DIAPH1: variants seen among roughly 807,000 people sequenced by gnomAD.
DIAPH1 encodes protein diaphanous homolog 1.
Under a neutral mutation model 140.7 loss-of-function variants are expected in DIAPH1, and 46 were observed. The ratio of observed to expected loss-of-function variants is 0.33; its 90% CI spans 0.26 to 0.42. The LOEUF is 0.42. DIAPH1 is among the 10% of genes least tolerant of loss of function. The pLI is 1.00. For synonymous variants in DIAPH1, 565 were observed against 551.6 expected (o/e 1.02, Z -0.34); for missense variants, 1,310 against 1,558.7 (o/e 0.84, Z 2.69).
In DIAPH1 at chr5:141,526,062, C is replaced by G. The variant is rs1355259448; in HGVS notation, c.3550G>C (p.Glu1184Gln). The change falls in exon 26 of 28, where the codon GAG becomes CAG. Residue 1184 changes from glutamate (E) to glutamine (Q), a missense_variant. Transcript: ENST00000389054. ...KERLEKQQKR[E>Q]QLIDMNAEGD... Reference sequence around the variant, plus strand: ...CCTGCATTCATGTCTATGAGTTGCTCTCTCTTCTGCTGCTTCTCTAGCCGC... The same window carrying G: ...CCTGCATTCATGTCTATGAGTTGCTGTCTCTTCTGCTGCTTCTCTAGCCGC... The G allele has an allele frequency of 1.9e-6, 3 of 1,613,986 alleles. No homozygotes were observed. The highest frequency in any genetic ancestry group is 2.5e-6 in the Non-Finnish European group (3 of 1,180,040).
intron 1 of DIAPH1, among the ~76,000 whole-genome samples, chr5:141,602,644 A>C (rs2099900342): frequency 6.6e-6 from 1 of 152,230 alleles, no homozygotes; most frequent in South Asian, 2.1e-4. Flanking sequence ...ATGAAGAATA[A>C]ATAATAAAAC....
intron 18 of DIAPH1, among the ~76,000 whole-genome samples, chr5:141,559,804 T>C (rs1029624555): frequency 9.2e-5 from 14 of 152,044 alleles, no homozygotes; most frequent in African/African-American, 3.1e-4. Flanking sequence ...AAGGAAACAA[T>C]AGGCTAGAGG....
Position 141,579,095 on chromosome 5 carries a change from G to T in DIAPH1, c.926C>A (p.Ala309Glu). 6.2e-7 allele frequency: 1 copy of T among 1,612,452 alleles called. No homozygotes were observed. Among genetic ancestry groups the T allele is most frequent in the Non-Finnish European group, 8.5e-7 (1 of 1,178,446 alleles). The change falls in exon 9 of 28, where the codon GCA (alanine) becomes GAA (glutamate). Residue 309 changes from alanine (A) to glutamate (E), a missense_variant. By Grantham distance (107) the Ala-to-Glu change is moderately radical. Around this residue, in one of 3 missense-constraint regions of DIAPH1, gnomAD observed 377 missense variants for 497.1 expected, o/e 0.76. Coordinates refer to ENST00000389054, the MANE Select transcript of DIAPH1 (RefSeq NM_005219.5). ...TTCAGGGGATATACATGCCTTCAGT[G>T]CAATAGTGGTTCCACTTTTTAATCC... ...LDGLKSGTTIALKVGCLQLIN... is the reference protein window; with the variant it reads ...LDGLKSGTTIELKVGCLQLIN...
At chr5:141,591,694 G>GGATA (rs1554210979) in intron 1 of DIAPH1, among the ~76,000 whole-genome samples, 6 of 53,836 alleles carry the variant, frequency 1.1e-4, no homozygotes, top group African/African-American at 6.6e-4. Context: ...AGGGAGATGG[G>GGATA]GATATATATA....
intron 19 of DIAPH1, among the ~76,000 whole-genome samples, chr5:141,529,938 G>C (rs949549381): frequency 6.6e-6 from 1 of 152,024 alleles, no homozygotes; most frequent in African/African-American, 2.4e-5. Flanking sequence ...ACAAAAACTA[G>C]CCAGGCGTGG....
rs553784587 is a variant in DIAPH1, at chr5:141,551,328, C to T, written c.2483-16895G>A. 3.9e-5 allele frequency among the ~76,000 whole-genome samples: 6 copies of T among 152,158 alleles called. No individual in the cohort carries two copies. In the South Asian group the frequency reaches 1.0e-3, roughly 26 times the overall value. ...AAAATTAGCCAGGTGCGGTGGCACA[C>T]GCCTGTAGTCCCAGTTACTCAGAAG... is the stretch of plus-strand genomic sequence containing the variant. On this transcript the variant is annotated intron_variant, in intron 18 of 27. Transcript: ENST00000389054.
chr5:141,565,437 C>G lies in DIAPH1; in HGVS notation c.2482+5991G>C, dbSNP rs1431733641. 6.6e-6 allele frequency among the ~76,000 whole-genome samples: 1 copy of G among 152,078 alleles called. No homozygotes were observed. Among genetic ancestry groups the G allele is most frequent in the East Asian group, 1.9e-4 (1 of 5,198 alleles). Reference sequence around the variant, plus strand: ...CCACAGTCACTCTGGGGGAGGACACCTTTTTACCCTGTATTTCCAGTGTAT... The same window carrying G: ...CCACAGTCACTCTGGGGGAGGACACGTTTTTACCCTGTATTTCCAGTGTAT... On this transcript the variant is annotated intron_variant, in intron 18 of 27. Transcript: ENST00000389054. This position sits in a 1 kb window ranked among gnomAD's most constrained non-coding sequence, Gnocchi z 4.3.
intron 3 of DIAPH1, among the ~76,000 whole-genome samples, chr5:141,585,962 G>C (rs2099897480): frequency 1.3e-5 from 2 of 152,150 alleles, no homozygotes. Context: ...TAAAATTACG[G>C]ATTGCTGACT....
intron 18 of DIAPH1, among the ~76,000 whole-genome samples, chr5:141,558,968 T>C (rs1003354009): frequency 1.4e-5 from 2 of 147,732 alleles, no homozygotes; most frequent in East Asian, 2.0e-4. Context: ...TCTGAAGAAA[T>C]AGGGTCTTTG....
chr5:141,613,603 C>A (rs2099902182), intron 1 of DIAPH1, among the ~76,000 whole-genome samples: 1 of 152,050 alleles, frequency 6.6e-6, no homozygotes, highest in Non-Finnish European at 1.5e-5. Context: ...TTAAGGGTAC[C>A]ATTCACAGTA....
In DIAPH1 at chr5:141,579,115, T is replaced by C; in HGVS notation, c.906A>G (p.Leu302=). 1 of 1,614,176 alleles carries C rather than the reference T, an allele frequency of 6.2e-7. No homozygotes were observed. The highest frequency in any genetic ancestry group is 8.5e-7 in the Non-Finnish European group (1 of 1,179,986). Residue 302 remains leucine, a synonymous_variant, in exon 9 of 28, where the codon TTA becomes TTG. Transcript: ENST00000389054. ...VERFQPLLDG[L]KSGTTIALKV... is the part of the protein sequence containing the mutation. ...TCAGTGCAATAGTGGTTCCACTTTT[T>C]AATCCATCCAGCAGCGGCTGGAAAC...
At position 141,516,626 on chromosome 5, in the gene DIAPH1, G is replaced by GTT. The variant is rs1214116529; in HGVS notation, c.*224_*225insAA. 1.7e-6 allele frequency: 1 copy of GTT among 591,484 alleles called. No homozygotes were observed. The highest frequency in any genetic ancestry group is 3.0e-6 in the Non-Finnish European group (1 of 330,812). The allele number at this position is 591,484 out of a possible 1,614,324, so 36.6% of individuals were successfully genotyped here. On this transcript the variant is annotated 3_prime_UTR_variant, in exon 28 of 28. Coordinates refer to ENST00000389054, the MANE Select transcript of DIAPH1 (RefSeq NM_005219.5). ...TTTGGTAATACAACAGCCAGGGCTG[G>GTT]CTAAGTCGGGCTCAGGCCTCCCCTG... is the stretch of plus-strand genomic sequence containing the variant.
Position 141,571,586 on chromosome 5 carries a change from G to A in DIAPH1, c.2474-150C>T. 16 of 730,304 alleles carry A rather than the reference G, an allele frequency of 2.2e-5. No homozygotes were observed. In the South Asian group the frequency reaches 2.8e-4, roughly 13 times the overall value. The allele number at this position is 730,304 out of a possible 1,614,324, so 45.2% of individuals were successfully genotyped here. ...ACTCTTTCCAACCCTTATTAATTAT[G>A]TACTTAGAACTGGAAACTGCACCTT... On this transcript the variant is annotated intron_variant, in intron 17 of 27. Coordinates refer to ENST00000389054, the MANE Select transcript of DIAPH1 (RefSeq NM_005219.5).
rs367981585 is a variant in DIAPH1 at position 141,577,486 on chromosome 5, G to C, written c.1269C>G (p.Asp423Glu). 45 of 1,611,366 alleles carry C rather than the reference G, an allele frequency of 2.8e-5. No homozygotes were observed. In the African/African-American group the frequency reaches 5.3e-4, roughly 19 times the overall value. Residue 423 changes from aspartate to glutamate, a missense_variant, in exon 12 of 28, where the codon GAC becomes GAG. This residue lies in a region of DIAPH1 where 589 missense variants were observed against 549.3 expected (regional missense o/e 1.07). Transcript: ENST00000389054. Reference protein sequence around the residue: ...ILQHLLLVRNDYEARPQYYKL... With the variant: ...ILQHLLLVRNEYEARPQYYKL... Reference sequence around the variant, plus strand: ...GCACAGCATCTTACCTGGCCTCATAGTCATTTCGGACCAAGAGTAAGTGCT... The same window carrying C: ...GCACAGCATCTTACCTGGCCTCATACTCATTTCGGACCAAGAGTAAGTGCT...
chr5:141,531,756 G>C (rs2099888270), intron 19 of DIAPH1, among the ~76,000 whole-genome samples: 1 of 152,112 alleles, frequency 6.6e-6, no homozygotes, highest in Non-Finnish European at 1.5e-5. Context: ...CCAAAGTGCT[G>C]GGATTACAGC....
intron 1 of DIAPH1, among the ~76,000 whole-genome samples, chr5:141,591,711 T>A (rs1287588547): frequency 1.2e-5 from 1 of 84,854 alleles, no homozygotes; most frequent in African/African-American, 4.1e-5. Flanking sequence ...TATATATATA[T>A]ATATATATAT....
At chr5:141,583,448 T>G (rs763653987) in intron 5 of DIAPH1, 37 bp downstream of exon 5, 4 of 1,614,100 alleles carry the variant, frequency 2.5e-6, no homozygotes, top group Non-Finnish European at 3.4e-6. Context: ...AGTCCAACAT[T>G]TGGCTCCTAC....
At chr5:141,541,951 T>A (rs576664739) in intron 18 of DIAPH1, among the ~76,000 whole-genome samples, 3 of 152,218 alleles carry the variant, frequency 2.0e-5, no homozygotes, top group Non-Finnish European at 4.4e-5. Flanking sequence ...CATTGAAAGA[T>A]GTATATTTTC....
rs367669306 is a variant in DIAPH1, at chr5:141,573,886, G to C, written c.1964C>G (p.Pro655Arg). ...GATGCCAACACCCTCAGGCAAAGGA[G>C]GGGGTGGAGGGATGGTAGCATCCCC... ...LSGDATIPPP[P>R]PLPEGVGIPS... Residue 655 changes from proline (P) to arginine (R), a missense_variant, in exon 16 of 28, where the codon CCT (proline) becomes CGT (arginine). Pro to Arg is a moderately radical substitution (Grantham distance 103). Around this residue, in one of 3 missense-constraint regions of DIAPH1, gnomAD observed 589 missense variants for 549.3 expected, o/e 1.07. Transcript: ENST00000389054. The C allele has an allele frequency of 5.7e-4, 877 of 1,545,202 alleles. 10 individuals are homozygous for C. The South Asian group carries it at 9.4e-3, about 16-fold the overall frequency.
Sources: allele counts gnomAD v4.1 joint callset (sites outside exome capture counted in the v4.1 genomes callset), GRCh38; gene constraint gnomAD v4.1.1; regional missense constraint gnomAD v4.1.1; non-coding constraint Gnocchi (gnomAD v3.1); transcripts MANE v1.5; gene names NCBI Gene and HGNC (gene_info 2026-07-23, HGNC 2026-07-21).